The following NAALADL2 variants were observed in gnomAD, a reference collection of about 807,000 sequenced individuals.
NAALADL2 encodes N-acetylated alpha-linked acidic dipeptidase like 2.
Under a neutral mutation model 87.2 loss-of-function variants are expected in NAALADL2, and 76 were observed. The observed-to-expected ratio is 0.87, with a 90% confidence interval of 0.72 to 1.05. The LOEUF is 1.05. Among genes scored for constraint, NAALADL2 ranks in the 50% least tolerant of loss-of-function variants. The pLI, the probability that NAALADL2 is intolerant of heterozygous loss-of-function variation, is 0.00. For synonymous variants in NAALADL2, 354 were observed against 331.0 expected, an observed-to-expected ratio of 1.07 and a Z score of -0.75; for missense variants, 1,089 against 945.8, an observed-to-expected ratio of 1.15 and a Z score of -1.99.
Position 175,514,842 on chromosome 3 carries a change from A to G in NAALADL2, c.1653+43084A>G, listed in dbSNP as rs544775160. Among the ~76,000 whole-genome samples the G allele has an allele frequency of 9.8e-5, 15 of 152,336 alleles. 1 individual carries two copies. The South Asian group carries it at 1.5e-3, about 15-fold the overall frequency. Reference sequence around the variant, plus strand: ...AGTTTCAAATATTAGTTCTGTGTGTATAGACACATGTCAGCAGTTAGGATT... The same window carrying G: ...AGTTTCAAATATTAGTTCTGTGTGTGTAGACACATGTCAGCAGTTAGGATT... On this transcript the variant is annotated intron_variant, in intron 9 of 13. Transcript: ENST00000454872.
chr3:174,793,314 A>C (rs1717687103), intron 3 of NAALADL2, among the ~76,000 whole-genome samples: 1 of 152,186 alleles, frequency 6.6e-6, no homozygotes, highest in Non-Finnish European at 1.5e-5. Context: ...TTAACAATAC[A>C]AGTCAGCTAG....
At chr3:174,690,632 C>A (rs369305086) in intron 2 of NAALADL2, among the ~76,000 whole-genome samples, 6 of 152,184 alleles carry the variant, frequency 3.9e-5, no homozygotes, top group African/African-American at 1.4e-4. Context: ...ATGGAAATGG[C>A]ATTTTTATGA....
At chr3:175,129,879 T>G (rs746087594) in intron 2 of NAALADL2, among the ~76,000 whole-genome samples, 1 of 152,184 alleles carries the variant, frequency 6.6e-6, no homozygotes, top group Non-Finnish European at 1.5e-5. Flanking sequence ...TTTTTTAACT[T>G]TTTGAGGAAC....
At chr3:175,327,156 T>C (rs901011331) in intron 5 of NAALADL2, among the ~76,000 whole-genome samples, 2 of 135,674 alleles carry the variant, frequency 1.5e-5, no homozygotes, top group South Asian at 2.3e-4. Flanking sequence ...TTCTTTTTTT[T>C]TTTTTTTTTT....
intron 2 of NAALADL2, among the ~76,000 whole-genome samples, chr3:175,110,838 A>G (rs927808395): frequency 1.3e-5 from 2 of 151,798 alleles, no homozygotes; most frequent in African/African-American, 4.8e-5. Context: ...AAAAACGTTT[A>G]GTAAATCTGG....
chr3:175,780,140 G>C (rs1750833839), intron 13 of NAALADL2, among the ~76,000 whole-genome samples: 1 of 151,662 alleles, frequency 6.6e-6, no homozygotes, highest in South Asian at 2.1e-4. Flanking sequence ...GCCGGGCGTG[G>C]TGGTGGGCAC....
At chr3:175,351,655 C>T (rs999513388) in intron 5 of NAALADL2, among the ~76,000 whole-genome samples, 2 of 151,978 alleles carry the variant, frequency 1.3e-5, no homozygotes, top group Non-Finnish European at 2.9e-5. Flanking sequence ...GGTGAATTTG[C>T]GTACGTGTGG....
chr3:175,793,359 A>G (rs993675496), intron 13 of NAALADL2, among the ~76,000 whole-genome samples: 1 of 132,282 alleles, frequency 7.6e-6, no homozygotes, highest in South Asian at 2.4e-4. Flanking sequence ...CCTGGGCTGG[A>G]GTGTAGTGGG....
intron 3 of NAALADL2, among the ~76,000 whole-genome samples, chr3:174,795,754 T>C (rs897285376): frequency 9.9e-5 from 15 of 152,196 alleles, no homozygotes; most frequent in Non-Finnish European, 1.5e-5. Context: ...AGTAATATAA[T>C]GATTTTGACT....
At chr3:175,602,415 T>C (rs1434454447) in intron 10 of NAALADL2, among the ~76,000 whole-genome samples, 3 of 152,002 alleles carry the variant, frequency 2.0e-5, no homozygotes, top group Non-Finnish European at 4.4e-5. Context: ...ATGTAACATG[T>C]ATGTAAACAT....
At chr3:174,536,229 T>C (rs1439125334) in intron 1 of NAALADL2, among the ~76,000 whole-genome samples, 1 of 152,118 alleles carries the variant, frequency 6.6e-6, no homozygotes, top group Non-Finnish European at 1.5e-5. Flanking sequence ...CTGACATTTA[T>C]TTAGATACTT....
At chr3:174,999,411 A>G (rs1179562459) in intron 1 of NAALADL2, among the ~76,000 whole-genome samples, 1 of 152,132 alleles carries the variant, frequency 6.6e-6, no homozygotes, top group Non-Finnish European at 1.5e-5. Context: ...TTTCTTAAGA[A>G]ACCTTGGCCT....
rs759383146 is a variant in NAALADL2 at position 175,324,249 on chromosome 3, G to T, written c.1014G>T (p.Val338=). The change falls in exon 5 of 14, where the codon GTG becomes GTT. Residue 338 remains valine, a synonymous_variant. Coordinates refer to ENST00000454872, the MANE Select transcript of NAALADL2 (RefSeq NM_207015.3). Reference sequence around the variant, plus strand: ...ATCCTTGTGATTTGCCAAAGACTGTGAATCCTAGCCATGATACCTTCATGG... The same window carrying T: ...ATCCTTGTGATTTGCCAAAGACTGTTAATCCTAGCCATGATACCTTCATGG... ...YIDPCDLPKT[V]NPSHDTFMVS... The T allele has an allele frequency of 4.3e-6, 7 of 1,613,606 alleles. No individual in the cohort carries two copies. In the East Asian group the frequency reaches 1.1e-4, roughly 26 times the overall value.
chr3:175,756,686 G>A (rs1455609563), intron 13 of NAALADL2, among the ~76,000 whole-genome samples: 1 of 152,038 alleles, frequency 6.6e-6, no homozygotes, highest in Non-Finnish European at 1.5e-5. Context: ...GAGTTGAAAA[G>A]TTGTTATATA....
chr3:174,606,653 A>G (rs1277181917), intron 2 of NAALADL2, among the ~76,000 whole-genome samples: 1 of 152,182 alleles, frequency 6.6e-6, no homozygotes, highest in African/African-American at 2.4e-5. Context: ...AAAGCCTCCA[A>G]GAAATATGGG....
chr3:174,443,609 G>A (rs762633996), intron 1 of NAALADL2, among the ~76,000 whole-genome samples: 11 of 152,132 alleles, frequency 7.2e-5, no homozygotes, highest in Non-Finnish European at 1.3e-4. Context: ...ATCATATAGC[G>A]GGTTGTAAAA....
chr3:175,237,071 A>T (rs999251706), intron 3 of NAALADL2, among the ~76,000 whole-genome samples: 1 of 152,086 alleles, frequency 6.6e-6, no homozygotes, highest in Non-Finnish European at 1.5e-5. Flanking sequence ...ATGTAAAATA[A>T]TTTTTTAGTT....
intron 3 of NAALADL2, among the ~76,000 whole-genome samples, chr3:174,773,796 G>A (rs543248154): frequency 6.6e-6 from 1 of 152,198 alleles, no homozygotes; most frequent in South Asian, 2.1e-4. Flanking sequence ...TTAGGTAGGT[G>A]TACTTACTTT....
chr3:175,794,406 G>C (rs528567969), intron 13 of NAALADL2, among the ~76,000 whole-genome samples: 12 of 152,124 alleles, frequency 7.9e-5, no homozygotes, highest in East Asian at 1.9e-4. Context: ...GTAGTCAACT[G>C]TATCACTGTC....
Sources: allele counts gnomAD v4.1 joint callset (sites outside exome capture counted in the v4.1 genomes callset), GRCh38; gene constraint gnomAD v4.1.1; transcripts MANE v1.5; gene names NCBI Gene and HGNC (gene_info 2026-07-23, HGNC 2026-07-21).